ZNRF2: variants seen among roughly 807,000 people sequenced by gnomAD.
ZNRF2 encodes zinc and ring finger 2, also known as E3 ubiquitin-protein ligase ZNRF2.
Under a neutral mutation model 20.4 loss-of-function variants are expected in ZNRF2, and 16 were observed. That is an observed-to-expected ratio of 0.79 (90% CI 0.53 to 1.19). The LOEUF (loss-of-function observed/expected upper bound fraction) is 1.19. ZNRF2 is among the 50% of genes most tolerant of loss of function. The pLI is 0.00. For synonymous variants in ZNRF2, 178 were observed against 144.9 expected (o/e 1.23, Z -1.64); for missense variants, 363 against 332.4 (o/e 1.09, Z -0.72).
At chr7:30,293,704 C>G (rs1407705019) in intron 1 of ZNRF2, among the ~76,000 whole-genome samples, 2 of 152,170 alleles carry the variant, frequency 1.3e-5, no homozygotes, top group Non-Finnish European at 2.9e-5. Flanking sequence ...CCCATAAAAA[C>G]TTGTGAGGTT....
chr7:30,298,608 T>A (rs891696847), intron 1 of ZNRF2, among the ~76,000 whole-genome samples: 3 of 152,180 alleles, frequency 2.0e-5, no homozygotes, highest in African/African-American at 7.2e-5. Context: ...AAATGATACT[T>A]TCATTTAATC....
At chr7:30,322,023 AC>A (rs1173139698) in intron 1 of ZNRF2, among the ~76,000 whole-genome samples, 3 of 152,036 alleles carry the variant, frequency 2.0e-5, no homozygotes, top group Non-Finnish European at 2.9e-5. Context: ...AAAAAAAAAA[AC>A]TGCAAAAAAT....
intron 2 of ZNRF2, among the ~76,000 whole-genome samples, chr7:30,337,709 A>G (rs746919333): frequency 2.1e-4 from 32 of 151,962 alleles, no homozygotes; most frequent in Non-Finnish European, 4.0e-4. Flanking sequence ...TTTTATTTGC[A>G]TTTGCTTGCT....
intron 2 of ZNRF2, among the ~76,000 whole-genome samples, chr7:30,328,715 T>G (rs1331474045): frequency 6.6e-6 from 1 of 152,140 alleles, no homozygotes; most frequent in Non-Finnish European, 1.5e-5. Context: ...GCACAATATA[T>G]CTGAACACCC....
intron 1 of ZNRF2, 82 bp from the exon 2 acceptor site, chr7:30,323,560 C>A: frequency 1.1e-6 from 1 of 948,492 alleles, no homozygotes; most frequent in Non-Finnish European, 1.5e-6. Flanking sequence ...GTTTCAAACG[C>A]TTTTTGATTT....
intron 2 of ZNRF2, among the ~76,000 whole-genome samples, chr7:30,327,248 G>C (rs1318793347): frequency 1.3e-5 from 2 of 152,104 alleles, no homozygotes; most frequent in African/African-American, 4.8e-5. Flanking sequence ...TTGTCTTCCA[G>C]GGTTTTTATA....
At chr7:30,307,392 C>T (rs1169192577) in intron 1 of ZNRF2, among the ~76,000 whole-genome samples, 6 of 102,056 alleles carry the variant, frequency 5.9e-5, no homozygotes, top group Non-Finnish European at 5.5e-5. Context: ...GGAGAAAAGT[C>T]TTTCTCACAT....
chr7:30,289,352 G>C (rs1035636257), intron 1 of ZNRF2, among the ~76,000 whole-genome samples: 2 of 152,178 alleles, frequency 1.3e-5, no homozygotes, highest in East Asian at 1.9e-4. Context: ...AAGTTTTATG[G>C]TGTTAGGTTA....
intron 2 of ZNRF2, among the ~76,000 whole-genome samples, chr7:30,351,540 A>G (rs1468634254): frequency 6.6e-6 from 1 of 152,040 alleles, no homozygotes; most frequent in Non-Finnish European, 1.5e-5. Context: ...GAGTATTTAA[A>G]ACTTAGTTGT....
chr7:30,332,672 A>G (rs899064654), intron 2 of ZNRF2, among the ~76,000 whole-genome samples: 3 of 152,140 alleles, frequency 2.0e-5, no homozygotes, highest in Non-Finnish European at 2.9e-5. Context: ...AATGGCCTCT[A>G]GCTGCATCCA....
chr7:30,337,907 C>T (rs1177290596), intron 2 of ZNRF2, among the ~76,000 whole-genome samples: 9 of 152,074 alleles, frequency 5.9e-5, no homozygotes, highest in Admixed American at 5.9e-4. Flanking sequence ...CCAGTACTAC[C>T]AGTTTCTTGT....
chr7:30,341,864 T>A (rs1470402015), intron 2 of ZNRF2, among the ~76,000 whole-genome samples: 1 of 152,174 alleles, frequency 6.6e-6, no homozygotes, highest in Non-Finnish European at 1.5e-5. Flanking sequence ...TAAGTCTCTG[T>A]AGGTCTCTAA....
rs70980598 is a variant in ZNRF2, at chr7:30,346,170, A to ATTTTTTTTTTTTTT, written c.566-9537_566-9524dup. On this transcript the variant is annotated intron_variant, in intron 2 of 4. Transcript: ENST00000323037. ...TGTTTTTTTTTTTCTGTTAAGTCTG[A>ATTTTTTTTTTTTTT]TTTTTTTTTTTTTTTTTTTTTTTTT... 3.0e-4 allele frequency among the ~76,000 whole-genome samples: 7 copies of ATTTTTTTTTTTTTT among 23,706 alleles called. 1 individual carries two copies. Among genetic ancestry groups the ATTTTTTTTTTTTTT allele is most frequent in the East Asian group, 1.9e-3 (1 of 532 alleles). The allele number at this position is 23,706 out of a possible 152,430, so 15.6% of individuals were successfully genotyped here.
chr7:30,345,187 C>A (rs754500166), intron 2 of ZNRF2, among the ~76,000 whole-genome samples: 1 of 150,052 alleles, frequency 6.7e-6, no homozygotes. Context: ...ATTTCCTTTT[C>A]TCGTTCTCTG....
At chr7:30,335,316 G>C (rs764027826) in intron 2 of ZNRF2, among the ~76,000 whole-genome samples, 41 of 152,088 alleles carry the variant, frequency 2.7e-4, no homozygotes, top group Non-Finnish European at 4.9e-4. Context: ...GGAAAGAAGA[G>C]AGAAAACAGT....
Position 30,360,743 on chromosome 7 carries a change from C to T in ZNRF2, c.672-1634C>T, listed in dbSNP as rs1273911442. Among the ~76,000 whole-genome samples, 3 of 152,020 alleles carry T rather than the reference C, an allele frequency of 2.0e-5. No homozygotes were observed. In the East Asian group the frequency reaches 5.8e-4, roughly 29 times the overall value. On this transcript the variant is annotated intron_variant, in intron 3 of 4. Transcript: ENST00000323037. ...AAAGCAAGAGACTTACTAACAATTGCAAATCTCAAATTGAGCAAAAAAAGC... is the reference window on the plus strand; with the variant it reads ...AAAGCAAGAGACTTACTAACAATTGTAAATCTCAAATTGAGCAAAAAAAGC...
intron 2 of ZNRF2, among the ~76,000 whole-genome samples, chr7:30,333,681 T>C (rs1001015174): frequency 2.0e-5 from 3 of 152,212 alleles, no homozygotes; most frequent in Non-Finnish European, 4.4e-5. Context: ...ATTTTGACTT[T>C]TTAATAGTAG....
At chr7:30,297,402 G>A (rs1486159824) in intron 1 of ZNRF2, among the ~76,000 whole-genome samples, 4 of 152,050 alleles carry the variant, frequency 2.6e-5, no homozygotes, top group Admixed American at 6.6e-5. Context: ...GTTTTTAGCC[G>A]ATACAATTTC....
chr7:30,359,902 A>C (rs940022218), intron 3 of ZNRF2, among the ~76,000 whole-genome samples: 3 of 152,196 alleles, frequency 2.0e-5, no homozygotes, highest in African/African-American at 7.2e-5. Flanking sequence ...GTTTTGTGGA[A>C]AGCAGTGTTT....
Sources: allele counts gnomAD v4.1 joint callset (sites outside exome capture counted in the v4.1 genomes callset), GRCh38; gene constraint gnomAD v4.1.1; transcripts MANE v1.5; gene names NCBI Gene and HGNC (gene_info 2026-07-23, HGNC 2026-07-21).